Variants in CLASRP observed in about 807,000 individuals in gnomAD.
CLASRP encodes CLK4 associating serine/arginine rich protein.
A neutral mutation model predicts 99.9 loss-of-function variants in CLASRP; 52 were observed. The ratio of observed to expected loss-of-function variants is 0.52; its 90% CI spans 0.42 to 0.66. The LOEUF is 0.66. Ranked by LOEUF, CLASRP falls within the 30% of genes least tolerant of loss-of-function variation. CLASRP has a pLI of 0.00. For missense variants in CLASRP, 848 were observed against 999.2 expected, an observed-to-expected ratio of 0.85 and a Z score of 2.04; for synonymous variants, 379 against 373.0, an observed-to-expected ratio of 1.02 and a Z score of -0.18.
chr19:45,058,988 CCCATCCGT>C (rs1972175884), intron 7 of CLASRP, among the ~76,000 whole-genome samples: 1 of 152,052 alleles, frequency 6.6e-6, no homozygotes, highest in Non-Finnish European at 1.5e-5. Context: ...CATCCCTGCA[CCCATCCGT>C]CCATCTCTCC....
At chr19:45,048,922 G>A (rs1971971672) in intron 2 of CLASRP, among the ~76,000 whole-genome samples, 2 of 152,070 alleles carry the variant, frequency 1.3e-5, no homozygotes, top group South Asian at 4.1e-4. Context: ...GGAGGCAGAG[G>A]TTGCAGTGAG....
chr19:45,051,685 C>T (rs1972025362), intron 2 of CLASRP, among the ~76,000 whole-genome samples: 1 of 152,072 alleles, frequency 6.6e-6, no homozygotes, highest in South Asian at 2.1e-4. Context: ...GAGCTTGCTG[C>T]AGGCCGGGCG....
chr19:45,067,507 G>GCCGCAT lies in CLASRP; in HGVS notation c.1585_1586insTCCGCA (p.Arg528_Ser529insIleArg), dbSNP rs769503147. On this transcript the variant is annotated inframe_insertion, in exon 14 of 21. Coordinates refer to ENST00000221455, the MANE Select transcript of CLASRP (RefSeq NM_007056.3). The surrounding 1 kb of genome is among the most constrained non-coding windows in gnomAD (Gnocchi z 4.9). ...AGCCAGAGCCGCAGCCGCAGCCGCA[G>GCCGCAT]CCGCAGCCAGAGCCCCTCGCCATCA... 2.5e-6 allele frequency: 4 copies of GCCGCAT among 1,593,430 alleles called. No homozygotes were observed. The South Asian group carries it at 3.3e-5, about 13-fold the overall frequency.
chr19:45,045,273 C>G (rs935465027), intron 2 of CLASRP, among the ~76,000 whole-genome samples: 1 of 152,106 alleles, frequency 6.6e-6, no homozygotes, highest in Non-Finnish European at 1.5e-5. Context: ...CCCAGCACTT[C>G]GGGAGGCCGA....
At chr19:45,041,073 T>G (rs1056479929) in intron 2 of CLASRP, among the ~76,000 whole-genome samples, 1 of 151,664 alleles carries the variant, frequency 6.6e-6, no homozygotes, top group Non-Finnish European at 1.5e-5. Flanking sequence ...TACAAAAAAT[T>G]AGCCAGGTGA....
Position 45,069,033 on chromosome 19 carries a change from A to G in CLASRP, c.1769-33A>G, listed in dbSNP as rs749436185. ...AAAAGAGAGTGGGGCTCTTAAGGGA[A>G]CCCCTCAGCCACCCTGTTCTTTCTC... On this transcript the variant is annotated intron_variant, in intron 16 of 20. Coordinates refer to ENST00000221455, the MANE Select transcript of CLASRP (RefSeq NM_007056.3). 7 of 1,591,558 alleles carry G rather than the reference A, an allele frequency of 4.4e-6. No individual in the cohort carries two copies. The East Asian group carries it at 1.3e-4, about 30-fold the overall frequency.
At position 45,057,720 on chromosome 19, in the gene CLASRP, G is replaced by C. The variant is rs755953731; in HGVS notation, c.465-30G>C. 1.7e-5 allele frequency: 28 copies of C among 1,612,924 alleles called. 1 individual carries two copies. Among genetic ancestry groups the C allele is most frequent in the Non-Finnish European group, 2.4e-5 (28 of 1,179,402 alleles). ...TGGGGCCCTCATCTCCACTGGGCAC[G>C]GCCCTGGCTTACCAGCTCCCCTTTC... is the stretch of plus-strand genomic sequence containing the variant. On this transcript the variant is annotated intron_variant, in intron 6 of 20. Coordinates refer to ENST00000221455, the MANE Select transcript of CLASRP (RefSeq NM_007056.3).
chr19:45,065,180 C>G (rs987555244), intron 13 of CLASRP, among the ~76,000 whole-genome samples: 21 of 151,838 alleles, frequency 1.4e-4, no homozygotes, highest in Non-Finnish European at 2.2e-4. Flanking sequence ...ATCTCCTGAG[C>G]TCAGGAGTTC....
At chr19:45,062,060 A>C in intron 10 of CLASRP, 94 bp from the exon 11 acceptor site, 1 of 821,778 alleles carries the variant, frequency 1.2e-6, no homozygotes. Flanking sequence ...CCAGGTACCT[A>C]GCTTTGGGTC....
intron 11 of CLASRP, among the ~76,000 whole-genome samples, chr19:45,062,706 CTTCT>C (rs1306829621): frequency 6.6e-6 from 1 of 152,162 alleles, no homozygotes; most frequent in Non-Finnish European, 1.5e-5. Context: ...ATCTTTGAAG[CTTCT>C]TTATTTTATT....
chr19:45,057,478 A>G (rs951096661), intron 6 of CLASRP, among the ~76,000 whole-genome samples: 1 of 152,156 alleles, frequency 6.6e-6, no homozygotes, highest in African/African-American at 2.4e-5. Context: ...ACCTTCCCCA[A>G]CAGAGATGAC....
rs1967203842 is a variant in CLASRP at position 45,070,179 on chromosome 19, T to C, written c.1957+75T>C. On this transcript the variant is annotated intron_variant, in intron 19 of 20. Transcript: ENST00000221455. The stretch of plus-strand genomic sequence containing the variant: ...TCAAGCAGGGTTACCAAAAAAACCA[T>C]AGTACAGCCGGGCGCGGTGGCTCAC... 9.0e-6 allele frequency: 9 copies of C among 1,003,212 alleles called. No homozygotes were observed. The South Asian group carries it at 1.1e-4, about 13-fold the overall frequency. 62.1% of individuals were successfully genotyped at this position (1,003,212 alleles called of 1,614,324 possible).
intron 6 of CLASRP, 80 bp from the exon 7 acceptor site, chr19:45,057,670 T>C (rs909756434): frequency 1.9e-6 from 3 of 1,548,614 alleles, no homozygotes; most frequent in Non-Finnish European, 2.7e-6. Context: ...GCCGTGGCAC[T>C]CGAGACTGGT....
chr19:45,064,432 G>A lies in CLASRP; in HGVS notation c.1211G>A (p.Arg404His), dbSNP rs770927672. 5.9e-6 allele frequency: 9 copies of A among 1,526,480 alleles called. No homozygotes were observed. The Admixed American group carries it at 9.8e-5, about 17-fold the overall frequency. 94.6% of individuals were successfully genotyped at this position (1,526,480 alleles called of 1,614,324 possible). Reference sequence around the variant, plus strand: ...TCTCGCTCCAGCTCCCGCTCTCGCCGTGGTGGGGGCTACTACCGTTCCGGC... The same window carrying A: ...TCTCGCTCCAGCTCCCGCTCTCGCCATGGTGGGGGCTACTACCGTTCCGGC... ...SSSRSSSRSR[R>H]GGGYYRSGRH... is the part of the protein sequence containing the mutation. Residue 404 changes from arginine to histidine, a missense_variant, in exon 13 of 21, where the codon CGT becomes CAT. Around this residue, in one of 8 missense-constraint regions of CLASRP, gnomAD observed 489 missense variants for 434.7 expected, o/e 1.12. Coordinates refer to ENST00000221455, the MANE Select transcript of CLASRP (RefSeq NM_007056.3).
At chr19:45,055,765 G>A (rs547998715) in intron 5 of CLASRP, among the ~76,000 whole-genome samples, 4 of 152,268 alleles carry the variant, frequency 2.6e-5, no homozygotes, top group South Asian at 2.1e-4. Flanking sequence ...CCTGGGAGGC[G>A]GAGGTTGCGG....
rs1967032953 is a variant in CLASRP, at chr19:45,064,505, C to G, written c.1284C>G (p.Arg428=). The G allele has an allele frequency of 6.5e-7, 1 of 1,536,892 alleles. No individual in the cohort carries two copies. Among genetic ancestry groups the G allele is most frequent in the Middle Eastern group, 1.9e-4 (1 of 5,308 alleles). Residue 428 remains arginine (R), a synonymous_variant, in exon 13 of 21, where the codon CGC becomes CGG. Transcript: ENST00000221455. ...GCTCCTGGTCCCGCTCCCGCTCCCG[C>G]TCCCGGCGCTATTCCCGGTCCCGTA... The part of the protein sequence containing the change: ...RSRSWSRSRS[R]SRRYSRSRSR...
rs1232523865 is a variant in CLASRP at position 45,064,542 on chromosome 19, C to T, written c.1321C>T (p.Arg441Trp). Residue 441 changes from arginine (R) to tryptophan (W), a missense_variant, in exon 13 of 21, where the codon CGG (arginine) becomes TGG (tryptophan). By Grantham distance (101) the Arg-to-Trp change is moderately radical. This residue lies in a region of CLASRP where 489 missense variants were observed against 434.7 expected (regional missense o/e 1.12). Transcript: ENST00000221455. Reference sequence around the variant, plus strand: ...TTCCCGGTCCCGTAGCCGTGGCCGGCGGCACTCAGGTGGGGGCTCCCGAGA... The same window carrying T: ...TTCCCGGTCCCGTAGCCGTGGCCGGTGGCACTCAGGTGGGGGCTCCCGAGA... Reference protein sequence around the residue: ...RYSRSRSRGRRHSGGGSRDGH... With the variant: ...RYSRSRSRGRWHSGGGSRDGH... 2 of 1,538,342 alleles carry T rather than the reference C, an allele frequency of 1.3e-6. No individual in the cohort carries two copies. The highest frequency in any genetic ancestry group is 1.7e-6 in the Non-Finnish European group (2 of 1,146,438).
Position 45,060,950 on chromosome 19 carries a change from C to T in CLASRP, c.863+323C>T, listed in dbSNP as rs538190069. On this transcript the variant is annotated intron_variant, in intron 10 of 20. Coordinates refer to ENST00000221455, the MANE Select transcript of CLASRP (RefSeq NM_007056.3). This position sits in a 1 kb window ranked among gnomAD's most constrained non-coding sequence, Gnocchi z 4.6. ...CTTTGCCCTGGACTCTCACCCAGTT[C>T]TGCTGCTTGGCTTCTTCCTGTGTCG... 6.6e-5 allele frequency among the ~76,000 whole-genome samples: 10 copies of T among 152,360 alleles called. No homozygotes were observed. The South Asian group carries it at 2.1e-3, about 32-fold the overall frequency.
rs1435200669 is a variant in CLASRP at position 45,070,062 on chromosome 19, C to T, written c.1915C>T (p.Arg639Cys). The T allele has an allele frequency of 1.2e-6, 2 of 1,609,740 alleles. No individual in the cohort carries two copies. The highest frequency in any genetic ancestry group is 1.1e-5 in the South Asian group (1 of 91,000). ...RREKEREEWE[R>C]QYSRQSRSPS... ...AGAGAAGGAGAGAGAAGAGTGGGAA[C>T]GCCAGTACAGCCGGCAGAGCCGCTC... The change falls in exon 19 of 21, where the codon CGC (arginine) becomes TGC (cysteine). Residue 639 changes from arginine to cysteine, a missense_variant. Arg to Cys is a radical substitution (Grantham distance 180). Around this residue, in one of 8 missense-constraint regions of CLASRP, gnomAD observed 116 missense variants for 162.7 expected, o/e 0.71. Coordinates refer to ENST00000221455, the MANE Select transcript of CLASRP (RefSeq NM_007056.3).
Sources: gnomAD v4.1 joint callset for allele counts (sites outside exome capture counted in the v4.1 genomes callset) on GRCh38, gnomAD v4.1.1 for gene constraint, gnomAD v4.1.1 regional missense constraint, Gnocchi (gnomAD v3.1) non-coding constraint, MANE v1.5 for transcripts, NCBI Gene and HGNC (gene_info 2026-07-23, HGNC 2026-07-21) for gene names.